CSMD3: variants seen among roughly 807,000 people sequenced by gnomAD.
CSMD3 encodes CUB and sushi domain-containing protein 3.
CSMD3 carries 177 observed loss-of-function variants against 435.2 expected under a neutral mutation model. That is an observed-to-expected ratio of 0.41 (90% CI 0.36 to 0.46). The LOEUF is 0.46. Ranked by LOEUF, CSMD3 falls within the 20% of genes least tolerant of loss-of-function variation. The pLI, the probability that CSMD3 is intolerant of heterozygous loss-of-function variation, is 0.34. For missense variants in CSMD3, 4,265 were observed against 4,504.6 expected (o/e 0.95, Z 1.52); for synonymous variants, 1,656 against 1,520.5 (o/e 1.09, Z -2.07).
Position 112,952,983 on chromosome 8 carries a change from C to CA in CSMD3, c.1420+1700dup, listed in dbSNP as rs146359030. Among the ~76,000 whole-genome samples the CA allele has an allele frequency of 6.7e-3, 1,009 of 151,250 alleles. 12 individuals carry two copies. The highest frequency in any genetic ancestry group is 0.023 in the African/African-American group (969 of 41,412). ...TATTTCCACTAAGGCAATATACCAA[C>CA]AGGGATATAGAGTTACATACATCTT... is the stretch of plus-strand genomic sequence containing the variant. On this transcript the variant is annotated intron_variant, in intron 8 of 70. Transcript: ENST00000297405.
chr8:113,108,212 G>A (rs1179121418), intron 4 of CSMD3, among the ~76,000 whole-genome samples: 3 of 151,956 alleles, frequency 2.0e-5, no homozygotes, highest in East Asian at 1.9e-4. Context: ...GGTGGATCAC[G>A]AGGTCAAGAG....
chr8:113,245,461 C>T (rs2093266840), intron 3 of CSMD3, among the ~76,000 whole-genome samples: 1 of 151,842 alleles, frequency 6.6e-6, no homozygotes, highest in African/African-American at 2.4e-5. Context: ...AAAACACATG[C>T]ATTTAAAATA....
intron 23 of CSMD3, among the ~76,000 whole-genome samples, chr8:112,574,444 C>T (rs544913150): frequency 2.6e-5 from 4 of 152,002 alleles, no homozygotes; most frequent in African/African-American, 9.6e-5. Context: ...CGTGTAACCT[C>T]ATGTTTTTTG....
At chr8:113,332,908 G>T (rs1415149016) in intron 1 of CSMD3, among the ~76,000 whole-genome samples, 1 of 151,584 alleles carries the variant, frequency 6.6e-6, no homozygotes, top group Non-Finnish European at 1.5e-5. Context: ...ACATAGCATG[G>T]TACTGGTGGC....
intron 31 of CSMD3, among the ~76,000 whole-genome samples, chr8:112,488,857 A>G (rs532937788): frequency 6.6e-6 from 1 of 152,274 alleles, no homozygotes; most frequent in African/African-American, 2.4e-5. Context: ...TTCCTATGTT[A>G]TATGGAGTTT....
At chr8:112,979,372 T>C (rs2084965396) in intron 6 of CSMD3, among the ~76,000 whole-genome samples, 1 of 151,688 alleles carries the variant, frequency 6.6e-6, no homozygotes, top group Non-Finnish European at 1.5e-5. Context: ...ATATATTGCA[T>C]TTACCATTTT....
chr8:113,407,435 A>G (rs1265493118), intron 1 of CSMD3, among the ~76,000 whole-genome samples: 1 of 152,214 alleles, frequency 6.6e-6, no homozygotes, highest in Admixed American at 6.5e-5. Flanking sequence ...GATGAGGTAC[A>G]TAATGTCTGG....
At position 112,947,866 on chromosome 8, in the gene CSMD3, C is replaced by G; in HGVS notation, c.1432G>C (p.Gly478Arg). Reference sequence around the variant, plus strand: ...CATAAATTGGAAGCTGTTTTAATACCTCCCTCATTTACTGCAACAGCAGGG... The same window carrying G: ...CATAAATTGGAAGCTGTTTTAATACGTCCCTCATTTACTGCAACAGCAGGG... ...SNKFSILNEGGIKTASNLCPD... is the reference protein window; with the variant it reads ...SNKFSILNEGRIKTASNLCPD... The change falls in exon 9 of 71, where the codon GGT becomes CGT. Residue 478 changes from glycine to arginine, a missense_variant. Transcript: ENST00000297405. 1 of 1,471,584 alleles carries G rather than the reference C, an allele frequency of 6.8e-7. No individual in the cohort carries two copies. The highest frequency in any genetic ancestry group is 1.1e-5 in the South Asian group (1 of 87,018). The allele number at this position is 1,471,584 out of a possible 1,614,324, so 91.2% of individuals were successfully genotyped here.
chr8:113,049,862 T>C (rs1391528340), intron 5 of CSMD3, among the ~76,000 whole-genome samples: 1 of 152,176 alleles, frequency 6.6e-6, no homozygotes, highest in Non-Finnish European at 1.5e-5. Flanking sequence ...CCATATGATA[T>C]ATAATAGGAT....
chr8:113,157,213 G>A (rs1018471502), intron 4 of CSMD3, among the ~76,000 whole-genome samples: 3 of 152,080 alleles, frequency 2.0e-5, no homozygotes, highest in Admixed American at 2.0e-4. Flanking sequence ...TTCCTCAGCT[G>A]TGACATAAAC....
intron 31 of CSMD3, among the ~76,000 whole-genome samples, chr8:112,478,212 G>A (rs1819262342): frequency 6.6e-6 from 1 of 152,122 alleles, no homozygotes; most frequent in Non-Finnish European, 1.5e-5. Context: ...TATCAGCAGT[G>A]TGAAAACGGG....
chr8:113,233,559 G>T (rs2093114129), intron 3 of CSMD3, among the ~76,000 whole-genome samples: 2 of 150,878 alleles, frequency 1.3e-5, no homozygotes, highest in African/African-American at 4.9e-5. Flanking sequence ...TAAGAAGCTA[G>T]ATATTAACTC....
intron 64 of CSMD3, among the ~76,000 whole-genome samples, chr8:112,246,581 C>G (rs528234897): frequency 2.6e-5 from 4 of 152,218 alleles, no homozygotes; most frequent in Admixed American, 2.6e-4. Flanking sequence ...AAATTTTTGG[C>G]CAAGTGCCCA....
chr8:112,298,581 A>G (rs1820572785), intron 53 of CSMD3, among the ~76,000 whole-genome samples: 1 of 152,234 alleles, frequency 6.6e-6, no homozygotes. Context: ...TATAAAACAC[A>G]TAATGATGAA....
At chr8:113,177,437 T>C (rs2092362969) in intron 3 of CSMD3, among the ~76,000 whole-genome samples, 1 of 152,018 alleles carries the variant, frequency 6.6e-6, no homozygotes, top group Admixed American at 6.6e-5. Flanking sequence ...AGACTTCAGT[T>C]ATCTTCTTTT....
chr8:112,660,645 C>T (rs1330355052), intron 17 of CSMD3, among the ~76,000 whole-genome samples: 2 of 151,932 alleles, frequency 1.3e-5, no homozygotes, highest in Non-Finnish European at 2.9e-5. Context: ...AAGGCTCAAG[C>T]CCTAAAAGGA....
intron 40 of CSMD3, among the ~76,000 whole-genome samples, chr8:112,346,503 A>T (rs1017346331): frequency 2.6e-5 from 4 of 152,120 alleles, no homozygotes; most frequent in African/African-American, 4.8e-5. Context: ...GAACAAAGAC[A>T]TGTGCTTTGC....
At chr8:113,026,909 A>G (rs527420946) in intron 5 of CSMD3, among the ~76,000 whole-genome samples, 1 of 152,308 alleles carries the variant, frequency 6.6e-6, no homozygotes, top group Non-Finnish European at 1.5e-5. Flanking sequence ...CCTTGTTTAT[A>G]TTATATAATC....
intron 32 of CSMD3, among the ~76,000 whole-genome samples, chr8:112,462,604 C>A (rs749365268): frequency 6.6e-6 from 1 of 152,048 alleles, no homozygotes; most frequent in African/African-American, 2.4e-5. Flanking sequence ...TAGTGAAATT[C>A]TTGCAAGTTG....
Sources: gnomAD v4.1 joint callset for allele counts (sites outside exome capture counted in the v4.1 genomes callset) on GRCh38, gnomAD v4.1.1 for gene constraint, MANE v1.5 for transcripts, NCBI Gene and HGNC (gene_info 2026-07-23, HGNC 2026-07-21) for gene names.